The following CDK5 variants were observed in gnomAD, a reference collection of about 807,000 sequenced individuals.
CDK5 encodes cyclin dependent kinase 5, also known as cyclin-dependent kinase 5.
A neutral mutation model predicts 44.6 loss-of-function variants in CDK5; 18 were observed. The ratio of observed to expected loss-of-function variants is 0.40; its 90% CI spans 0.28 to 0.60. The LOEUF is 0.60. CDK5 is among the 20% of genes least tolerant of loss of function. The probability of loss-of-function intolerance (pLI) is 0.38; values close to 1 mark genes in which losing one functional copy is unlikely to be tolerated. For synonymous variants in CDK5, 143 were observed against 152.8 expected (o/e 0.94, Z 0.47); for missense variants, 198 against 368.1 (o/e 0.54, Z 3.78).
chr7:151,055,842 G>A lies in CDK5; in HGVS notation c.319C>T (p.Leu107Phe). 1.2e-5 allele frequency: 19 copies of A among 1,604,202 alleles called. No individual in the cohort carries two copies. The highest frequency in any genetic ancestry group is 1.6e-5 in the Non-Finnish European group (19 of 1,174,310). Reference protein sequence around the residue: ...DLDPEIVKSFLFQLLKGLGFC... With the variant: ...DLDPEIVKSFFFQLLKGLGFC... Reference sequence around the variant, plus strand: ...CCCAGCCCTTTTAGTAGCTGGAAGAGGAATGACTGGGAGGAGAGAGGGAGA... The same window carrying A: ...CCCAGCCCTTTTAGTAGCTGGAAGAAGAATGACTGGGAGGAGAGAGGGAGA... The change falls in exon 6 of 12, where the codon CTC becomes TTC. Residue 107 changes from leucine to phenylalanine, a missense_variant. By Grantham distance (22) the Leu-to-Phe change is conservative. Around this residue, in one of 4 missense-constraint regions of CDK5, gnomAD observed 26 missense variants for 28.2 expected, o/e 0.92. Coordinates refer to ENST00000485972, the MANE Select transcript of CDK5 (RefSeq NM_004935.4).
In CDK5 at chr7:151,054,172, G is replaced by A. The variant is rs773454607; in HGVS notation, c.792+40C>T. The A allele has an allele frequency of 8.1e-6, 13 of 1,597,648 alleles. No homozygotes were observed. The highest frequency in any genetic ancestry group is 9.4e-6 in the Non-Finnish European group (11 of 1,171,472). ...GCCCTGCCTTCCTGTAGTCCCACTGGGCAAGTGTCCTGACCCACCCTCTAC... is the reference window on the plus strand; with the variant it reads ...GCCCTGCCTTCCTGTAGTCCCACTGAGCAAGTGTCCTGACCCACCCTCTAC... On this transcript the variant is annotated intron_variant, in intron 11 of 11. Coordinates refer to ENST00000485972, the MANE Select transcript of CDK5 (RefSeq NM_004935.4). The surrounding 1 kb of genome is among the most constrained non-coding windows in gnomAD (Gnocchi z 5.7).
In CDK5 at chr7:151,054,357, G is replaced by T; in HGVS notation, c.711+48C>A. 1 of 1,612,414 alleles carries T rather than the reference G, an allele frequency of 6.2e-7. No homozygotes were observed. The highest frequency in any genetic ancestry group is 8.5e-7 in the Non-Finnish European group (1 of 1,178,606). On this transcript the variant is annotated intron_variant, in intron 10 of 11. Transcript: ENST00000485972. The surrounding 1 kb of genome is among the most constrained non-coding windows in gnomAD (Gnocchi z 5.7). ...AGGGGGATGGAGGCGCTAGGAATGT[G>T]AAACGAGTGACCCTGATGAACCATG... is the stretch of plus-strand genomic sequence containing the variant.
rs1410157952 is a variant in CDK5, at chr7:151,056,925, C to T, written c.177G>A (p.Lys59=). 2 of 1,612,792 alleles carry T rather than the reference C, an allele frequency of 1.2e-6. No homozygotes were observed. Among genetic ancestry groups the T allele is most frequent in the South Asian group, 2.2e-5 (2 of 90,974 alleles). The part of the protein sequence containing the change: ...LREICLLKEL[K]HKNIVRLHDV... Reference sequence around the variant, plus strand: ...CCGCACACCTGACGATGTTCTTGTGCTTCAGCTCCTTGAGTAGGCAGATCT... The same window carrying T: ...CCGCACACCTGACGATGTTCTTGTGTTTCAGCTCCTTGAGTAGGCAGATCT... The change falls in exon 3 of 12, where the codon AAG becomes AAA. Residue 59 remains lysine, a synonymous_variant. Transcript: ENST00000485972. The surrounding 1 kb of genome is among the most constrained non-coding windows in gnomAD (Gnocchi z 4.7).
chr7:151,057,517 G>A lies in CDK5; in HGVS notation c.37+295C>T. ...TCTGCAGCAAGAAACGAGGCTGGGG[G>A]TCGGGGTGAGGTTGTCCAAGTGCTG... is the stretch of plus-strand genomic sequence containing the variant. On this transcript the variant is annotated intron_variant, in intron 1 of 11. Coordinates refer to ENST00000485972, the MANE Select transcript of CDK5 (RefSeq NM_004935.4). This position sits in a 1 kb window ranked among gnomAD's most constrained non-coding sequence, Gnocchi z 5.2. 1.7e-6 allele frequency: 1 copy of A among 596,628 alleles called. No individual in the cohort carries two copies. Among genetic ancestry groups the A allele is most frequent in the Non-Finnish European group, 3.0e-6 (1 of 335,848 alleles). The allele number at this position is 596,628 out of a possible 1,614,324, so 37.0% of individuals were successfully genotyped here.
rs1796923203 is a variant in CDK5 at position 151,057,449 on chromosome 7, C to T, written c.38-289G>A. 1 of 589,286 alleles carries T rather than the reference C, an allele frequency of 1.7e-6. No individual in the cohort carries two copies. Among genetic ancestry groups the T allele is most frequent in the East Asian group, 2.8e-5 (1 of 35,276 alleles). 36.5% of individuals were successfully genotyped at this position (589,286 alleles called of 1,614,324 possible). Reference sequence around the variant, plus strand: ...GGGTCTGGAAATAGTGAGGAGGGGTCTGGGAGAGGACTGAGGGGCTGCAGA... The same window carrying T: ...GGGTCTGGAAATAGTGAGGAGGGGTTTGGGAGAGGACTGAGGGGCTGCAGA... On this transcript the variant is annotated intron_variant, in intron 1 of 11. Transcript: ENST00000485972. This position sits in a 1 kb window ranked among gnomAD's most constrained non-coding sequence, Gnocchi z 5.2.
In CDK5 at chr7:151,057,852, G is replaced by T. The variant is rs1379626564; in HGVS notation, c.-4C>A. On this transcript the variant is annotated 5_prime_UTR_variant, in exon 1 of 12. Transcript: ENST00000485972. The surrounding 1 kb of genome is among the most constrained non-coding windows in gnomAD (Gnocchi z 5.2). ...CCAGTTTCTCGTATTTCTGCATCGCGGCGGCCGCGGGGACCCCTGCGGGCC... is the reference window on the plus strand; with the variant it reads ...CCAGTTTCTCGTATTTCTGCATCGCTGCGGCCGCGGGGACCCCTGCGGGCC... 2 of 1,609,766 alleles carry T rather than the reference G, an allele frequency of 1.2e-6. No homozygotes were observed. Among genetic ancestry groups the T allele is most frequent in the Admixed American group, 1.7e-5 (1 of 59,716 alleles).
chr7:151,057,260 A>G lies in CDK5; in HGVS notation c.38-100T>C. ...GGTGAAGGCAGCGTCTCAGTATGCA[A>G]GGGAAGGGATTCAGGGTGAAGGTAG... is the stretch of plus-strand genomic sequence containing the variant. On this transcript the variant is annotated intron_variant, in intron 1 of 11. Transcript: ENST00000485972. The surrounding 1 kb of genome is among the most constrained non-coding windows in gnomAD (Gnocchi z 5.2). 2.2e-6 allele frequency: 2 copies of G among 910,920 alleles called. No individual in the cohort carries two copies. The highest frequency in any genetic ancestry group is 3.7e-6 in the Non-Finnish European group (2 of 541,090). The allele number at this position is 910,920 out of a possible 1,614,324, so 56.4% of individuals were successfully genotyped here.
At position 151,057,870 on chromosome 7, in the gene CDK5, T is replaced by C. The variant is rs775513156; in HGVS notation, c.-22A>G. The C allele has an allele frequency of 4.4e-6, 7 of 1,604,628 alleles. No homozygotes were observed. Among genetic ancestry groups the C allele is most frequent in the South Asian group, 3.3e-5 (3 of 89,568 alleles). ...GCATCGCGGCGGCCGCGGGGACCCC[T>C]GCGGGCCCTCGGTTTTAAGACTCTG... On this transcript the variant is annotated 5_prime_UTR_variant, in exon 1 of 12. Coordinates refer to ENST00000485972, the MANE Select transcript of CDK5 (RefSeq NM_004935.4). The surrounding 1 kb of genome is among the most constrained non-coding windows in gnomAD (Gnocchi z 5.2).
Position 151,054,558 on chromosome 7 carries a change from C to G in CDK5, c.651-93G>C, listed in dbSNP as rs1000324881. ...CTCTTCCCCTCCTGGGGAGGGATTC[C>G]TCATACCCACCGCCCACTTCTCACC... On this transcript the variant is annotated intron_variant, in intron 9 of 11. Transcript: ENST00000485972. This position sits in a 1 kb window ranked among gnomAD's most constrained non-coding sequence, Gnocchi z 5.7. 4 of 1,216,754 alleles carry G rather than the reference C, an allele frequency of 3.3e-6. No homozygotes were observed. In the African/African-American group the frequency reaches 6.0e-5, roughly 18 times the overall value. 75.4% of individuals were successfully genotyped at this position (1,216,754 alleles called of 1,614,324 possible).
rs531902472 is a variant in CDK5 at position 151,057,262 on chromosome 7, G to C, written c.38-102C>G. 2 of 907,264 alleles carry C rather than the reference G, an allele frequency of 2.2e-6. No homozygotes were observed. The highest frequency in any genetic ancestry group is 1.7e-5 in the Admixed American group (1 of 58,786). The allele number at this position is 907,264 out of a possible 1,614,324, so 56.2% of individuals were successfully genotyped here. A position where few individuals can be genotyped will look rare whatever the true frequency, so the allele number is the denominator to read the frequency against. On this transcript the variant is annotated intron_variant, in intron 1 of 11. Coordinates refer to ENST00000485972, the MANE Select transcript of CDK5 (RefSeq NM_004935.4). This position sits in a 1 kb window ranked among gnomAD's most constrained non-coding sequence, Gnocchi z 5.2. ...TGAAGGCAGCGTCTCAGTATGCAAG[G>C]GAAGGGATTCAGGGTGAAGGTAGGT...
chr7:151,056,158 T>C lies in CDK5; in HGVS notation c.313-310A>G, dbSNP rs1796889534. 1.9e-6 allele frequency: 1 copy of C among 523,164 alleles called. No homozygotes were observed. The allele number at this position is 523,164 out of a possible 1,614,324, so 32.4% of individuals were successfully genotyped here. A position where few individuals can be genotyped will look rare whatever the true frequency, so the allele number is the denominator to read the frequency against. ...TGCTGATCTTCCCTTCCTGGCCGCA[T>C]CTGAGTATGCACGCCGTGAACATCA... On this transcript the variant is annotated intron_variant, in intron 5 of 11. Coordinates refer to ENST00000485972, the MANE Select transcript of CDK5 (RefSeq NM_004935.4). The surrounding 1 kb of genome is among the most constrained non-coding windows in gnomAD (Gnocchi z 4.7).
chr7:151,056,432 C>T lies in CDK5; in HGVS notation c.312+148G>A, dbSNP rs1796895514. The T allele has an allele frequency of 5.8e-6, 4 of 685,092 alleles. No homozygotes were observed. Among genetic ancestry groups the T allele is most frequent in the African/African-American group, 5.3e-5 (3 of 56,282 alleles). 42.4% of individuals were successfully genotyped at this position (685,092 alleles called of 1,614,324 possible). On this transcript the variant is annotated intron_variant, in intron 5 of 11. Transcript: ENST00000485972. This position sits in a 1 kb window ranked among gnomAD's most constrained non-coding sequence, Gnocchi z 4.7. Reference sequence around the variant, plus strand: ...TGAAAATGCTCACTAAGACTGGAGACCCCTGGAGGACAGAAACAGGGTTTT... The same window carrying T: ...TGAAAATGCTCACTAAGACTGGAGATCCCTGGAGGACAGAAACAGGGTTTT...
rs1796877869 is a variant in CDK5 at position 151,055,527 on chromosome 7, C to T, written c.483+5G>A. 5.0e-6 allele frequency: 8 copies of T among 1,613,356 alleles called. No homozygotes were observed. The South Asian group carries it at 8.8e-5, about 18-fold the overall frequency. On this transcript the variant is annotated splice_donor_5th_base_variant and intron_variant, in intron 7 of 11. Coordinates refer to ENST00000485972, the MANE Select transcript of CDK5 (RefSeq NM_004935.4). ...CCCAATCCCATATCCCATCTTCTAGCTCACCTCAGCTGAGTAACAGCGGAC... is the reference window on the plus strand; with the variant it reads ...CCCAATCCCATATCCCATCTTCTAGTTCACCTCAGCTGAGTAACAGCGGAC...
intron 7 of CDK5, 50 bp from the exon 8 acceptor site, chr7:151,055,423 G>A: frequency 6.4e-7 from 1 of 1,556,472 alleles, no homozygotes; most frequent in Non-Finnish European, 8.9e-7. Context: ...GGACTGGGGA[G>A]GAGGTTTGAG....
chr7:151,056,466 C>CT lies in CDK5; in HGVS notation c.312+113dup. 1 of 900,664 alleles carries CT rather than the reference C, an allele frequency of 1.1e-6. No individual in the cohort carries two copies. The highest frequency in any genetic ancestry group is 1.8e-6 in the Non-Finnish European group (1 of 559,334). The allele number at this position is 900,664 out of a possible 1,614,324, so 55.8% of individuals were successfully genotyped here. On this transcript the variant is annotated intron_variant, in intron 5 of 11. Coordinates refer to ENST00000485972, the MANE Select transcript of CDK5 (RefSeq NM_004935.4). This position sits in a 1 kb window ranked among gnomAD's most constrained non-coding sequence, Gnocchi z 4.7. Reference sequence around the variant, plus strand: ...GACAGAAACAGGGTTTTCTCATTCTCTAACACCCTAGAGTGTCCCTGTTCA... The same window carrying CT: ...GACAGAAACAGGGTTTTCTCATTCTCTTAACACCCTAGAGTGTCCCTGTTCA...
Position 151,053,911 on chromosome 7 carries a change from C to T in CDK5, c.*98G>A, listed in dbSNP as rs1274675257. On this transcript the variant is annotated 3_prime_UTR_variant, in exon 12 of 12. Coordinates refer to ENST00000485972, the MANE Select transcript of CDK5 (RefSeq NM_004935.4). Reference sequence around the variant, plus strand: ...CCCACCCCGGCTGGGCCCAGCACTGCTGGAGCACAGCGCACCAGGCACCCC... The same window carrying T: ...CCCACCCCGGCTGGGCCCAGCACTGTTGGAGCACAGCGCACCAGGCACCCC... 4 of 1,079,934 alleles carry T rather than the reference C, an allele frequency of 3.7e-6. No individual in the cohort carries two copies. Among genetic ancestry groups the T allele is most frequent in the Non-Finnish European group, 5.4e-6 (4 of 743,656 alleles). The allele number at this position is 1,079,934 out of a possible 1,614,324, so 66.9% of individuals were successfully genotyped here.
In CDK5 at chr7:151,054,254, G is replaced by T; in HGVS notation, c.750C>A (p.Asn250Lys). 6.2e-7 allele frequency: 1 copy of T among 1,613,640 alleles called. No individual in the cohort carries two copies. The highest frequency in any genetic ancestry group is 8.5e-7 in the Non-Finnish European group (1 of 1,179,728). The change falls in exon 11 of 12, where the codon AAC (asparagine) becomes AAA (lysine). Residue 250 changes from asparagine (N) to lysine (K), a missense_variant. Coordinates refer to ENST00000485972, the MANE Select transcript of CDK5 (RefSeq NM_004935.4). The surrounding 1 kb of genome is among the most constrained non-coding windows in gnomAD (Gnocchi z 5.7). ...CTGTGGCATTGAGTTTGGGCACGAC[G>T]TTCACCAGGGATGTTGTGGCCGGGT... ...PMYPATTSLV[N>K]VVPKLNATGR...
Position 151,053,961 on chromosome 7 carries a change from G to T in CDK5, c.*48C>A. The T allele has an allele frequency of 6.7e-7, 1 of 1,497,490 alleles. No homozygotes were observed. The allele number at this position is 1,497,490 out of a possible 1,614,324, so 92.8% of individuals were successfully genotyped here. A position where few individuals can be genotyped will look rare whatever the true frequency, so the allele number is the denominator to read the frequency against. ...CCACTGTCTCACCCCTCTCAAGAGG[G>T]GGCTTAAATAGGCCAGGCCCCAGCC... On this transcript the variant is annotated 3_prime_UTR_variant, in exon 12 of 12. Coordinates refer to ENST00000485972, the MANE Select transcript of CDK5 (RefSeq NM_004935.4).
At position 151,054,092 on chromosome 7, in the gene CDK5, G is replaced by A; in HGVS notation, c.796C>T (p.Leu266Phe). 6 of 1,599,608 alleles carry A rather than the reference G, an allele frequency of 3.8e-6. No homozygotes were observed. Among genetic ancestry groups the A allele is most frequent in the Non-Finnish European group, 5.1e-6 (6 of 1,173,096 alleles). Residue 266 changes from leucine to phenylalanine, a missense_variant, in exon 12 of 12, where the codon CTT becomes TTT. By Grantham distance (22) the Leu-to-Phe change is conservative. Coordinates refer to ENST00000485972, the MANE Select transcript of CDK5 (RefSeq NM_004935.4). This position sits in a 1 kb window ranked among gnomAD's most constrained non-coding sequence, Gnocchi z 5.7. ...CGCTGGACAGGGTTACACTTCAGAA[G>A]GTTCTGGAGATGGGGGAAAGGAGGT... Reference protein sequence around the residue: ...NATGRDLLQNLLKCNPVQRIS... With the variant: ...NATGRDLLQNFLKCNPVQRIS...
Sources: gnomAD v4.1 joint callset for allele counts on GRCh38, gnomAD v4.1.1 for gene constraint, gnomAD v4.1.1 regional missense constraint, Gnocchi (gnomAD v3.1) non-coding constraint, MANE v1.5 for transcripts, NCBI Gene and HGNC (gene_info 2026-07-23, HGNC 2026-07-21) for gene names.